The following TMEM59 variants were observed in gnomAD, a reference collection of about 807,000 sequenced individuals.
TMEM59 encodes transmembrane protein 59, also known as dendritic cell factor 1.
In TMEM59, 44 loss-of-function variants were observed where a neutral mutation model predicts 42.2. That is an observed-to-expected ratio of 1.04 (90% confidence interval 0.82 to 1.34). The LOEUF (loss-of-function observed/expected upper bound fraction) is 1.34. Among genes scored for constraint, TMEM59 ranks in the 40% most tolerant of loss-of-function variants. TMEM59 has a pLI of 0.00. For synonymous variants in TMEM59, 148 were observed against 145.8 expected, an observed-to-expected ratio of 1.02 and a Z score of -0.11; for missense variants, 359 against 382.8, an observed-to-expected ratio of 0.94 and a Z score of 0.52.
intron 1 of TMEM59, among the ~76,000 whole-genome samples, chr1:54,050,613 G>T (rs1389989039): frequency 6.7e-6 from 1 of 150,210 alleles, no homozygotes; most frequent in Non-Finnish European, 1.5e-5. Flanking sequence ...GCCCAGGCTG[G>T]AGTGCGGTGG....
Position 54,040,808 on chromosome 1 carries a change from T to C in TMEM59, c.655A>G (p.Arg219Gly). ...CTTTCTCCATCTTCAAGAAAATTCCTGTGCGCTTGTGAATTTCTCATTTGC... is the reference window on the plus strand; with the variant it reads ...CTTTCTCCATCTTCAAGAAAATTCCCGTGCGCTTGTGAATTTCTCATTTGC... ...YLQMRNSQAH[R>G]NFLEDGESDG... is the part of the protein sequence containing the mutation. Residue 219 changes from arginine to glycine, a missense_variant, in exon 6 of 8, where the codon AGG (arginine) becomes GGG (glycine). By Grantham distance (125) the Arg-to-Gly change is moderately radical. Coordinates refer to ENST00000234831, the MANE Select transcript of TMEM59 (RefSeq NM_004872.5). The C allele has an allele frequency of 6.2e-7, 1 of 1,613,852 alleles. No homozygotes were observed. The highest frequency in any genetic ancestry group is 8.5e-7 in the Non-Finnish European group (1 of 1,179,842).
intron 4 of TMEM59, among the ~76,000 whole-genome samples, chr1:54,042,168 C>T (rs981894833): frequency 1.3e-5 from 2 of 151,790 alleles, no homozygotes; most frequent in Admixed American, 1.3e-4. Context: ...ATTTATCAGA[C>T]TGCCAAAACT....
chr1:54,036,843 C>T, intron 6 of TMEM59, 125 bp from the exon 7 acceptor site: 4 of 541,078 alleles, frequency 7.4e-6, no homozygotes, highest in Non-Finnish European at 1.3e-5. Context: ...ATCTTTGAAA[C>T]TATTAAAAAA....
intron 6 of TMEM59, among the ~76,000 whole-genome samples, chr1:54,037,266 G>C (rs1005811730): frequency 2.0e-5 from 3 of 152,100 alleles, no homozygotes; most frequent in African/African-American, 7.2e-5. Flanking sequence ...CTATTATAAG[G>C]CATTCTGTAA....
At position 54,029,858 on chromosome 1, in the gene TMEM59, G is replaced by A. The variant is rs991160378; in HGVS notation, c.*2292C>T. On this transcript the variant is annotated 3_prime_UTR_variant, in exon 8 of 8. Coordinates refer to ENST00000234831, the MANE Select transcript of TMEM59 (RefSeq NM_004872.5). ...TAGAACAAGTAGTTAAGGGAAGAGA[G>A]ATTAAAATGGTTACTCATGCTGATG... 1 of 152,080 alleles carries A rather than the reference G, an allele frequency of 6.6e-6. No homozygotes were observed. Among genetic ancestry groups the A allele is most frequent in the African/African-American group, 2.4e-5 (1 of 41,412 alleles). 9.4% of individuals were successfully genotyped at this position (152,080 alleles called of 1,614,324 possible).
At chr1:54,035,228 C>T (rs1656905560) in intron 7 of TMEM59, among the ~76,000 whole-genome samples, 1 of 152,042 alleles carries the variant, frequency 6.6e-6, no homozygotes, top group South Asian at 2.1e-4. Context: ...TATATTTAAA[C>T]ATCTTTATAG....
intron 6 of TMEM59, chr1:54,036,929 A>T (rs1292161376): frequency 3.2e-6 from 1 of 312,168 alleles, no homozygotes; most frequent in Non-Finnish European, 6.0e-6. Flanking sequence ...TCCACTTCTA[A>T]TGTTTCTGTA....
intron 1 of TMEM59, among the ~76,000 whole-genome samples, chr1:54,052,009 T>G (rs1226241041): frequency 6.6e-6 from 1 of 152,156 alleles, no homozygotes; most frequent in Non-Finnish European, 1.5e-5. Context: ...ACTCCAGTTT[T>G]AGAGAGCAAG....
chr1:54,029,528 T>TA lies in TMEM59; in HGVS notation c.*2621dup, dbSNP rs1400249647. The TA allele has an allele frequency of 6.6e-6, 1 of 152,206 alleles. No homozygotes were observed. Among genetic ancestry groups the TA allele is most frequent in the African/African-American group, 2.4e-5 (1 of 41,458 alleles). The allele number at this position is 152,206 out of a possible 1,614,324, so 9.4% of individuals were successfully genotyped here. On this transcript the variant is annotated 3_prime_UTR_variant, in exon 8 of 8. Transcript: ENST00000234831. The stretch of plus-strand genomic sequence containing the variant: ...TGACTGTTTTATGGAAACAAGGAGC[T>TA]AAGTAAAGTTAGGCACATCCAAGAA...
intron 4 of TMEM59, among the ~76,000 whole-genome samples, chr1:54,042,881 T>C (rs2100319441): frequency 6.6e-6 from 1 of 152,330 alleles, no homozygotes; most frequent in East Asian, 1.9e-4. Flanking sequence ...CTCCAGGGAA[T>C]AACAGTTATT....
rs1277001601 is a variant in TMEM59 at position 54,047,287 on chromosome 1, G to C, written c.275C>G (p.Thr92Ser). ...CTTACCAGATTCACATTCCAATTTA[G>C]TTCGATTTAAGTCAATTCCATCATC... is the stretch of plus-strand genomic sequence containing the variant. ...FVDDGIDLNRTKLECESACTE... is the reference protein window; with the variant it reads ...FVDDGIDLNRSKLECESACTE... Residue 92 changes from threonine (T) to serine (S), a missense_variant, in exon 2 of 8, where the codon ACT becomes AGT. Physicochemically the swap from Thr to Ser is moderately conservative, Grantham distance 58. Coordinates refer to ENST00000234831, the MANE Select transcript of TMEM59 (RefSeq NM_004872.5). 1 of 1,613,588 alleles carries C rather than the reference G, an allele frequency of 6.2e-7. No individual in the cohort carries two copies. The highest frequency in any genetic ancestry group is 8.5e-7 in the Non-Finnish European group (1 of 1,179,834).
intron 3 of TMEM59, chr1:54,044,491 TG>T (rs1216058368): frequency 6.6e-6 from 1 of 151,258 alleles, no homozygotes; most frequent in African/African-American, 2.4e-5. Flanking sequence ...GGTTCTGCTT[TG>T]TTTCTTTTTT....
At position 54,027,973 on chromosome 1, in the gene TMEM59, G is replaced by C. The variant is rs1191431196; in HGVS notation, c.*4177C>G. 1 of 152,168 alleles carries C rather than the reference G, an allele frequency of 6.6e-6. No individual in the cohort carries two copies. Among genetic ancestry groups the C allele is most frequent in the East Asian group, 1.9e-4 (1 of 5,198 alleles). The allele number at this position is 152,168 out of a possible 1,614,324, so 9.4% of individuals were successfully genotyped here. The stretch of plus-strand genomic sequence containing the variant: ...CACCCCCACCCTAGACTCTAGTGTA[G>C]AACAAGTAGTCAAGGAAAGAGAGAT... On this transcript the variant is annotated 3_prime_UTR_variant, in exon 8 of 8. Transcript: ENST00000234831.
intron 1 of TMEM59, among the ~76,000 whole-genome samples, chr1:54,048,948 T>A (rs1457504301): frequency 1.3e-5 from 2 of 152,248 alleles, no homozygotes; most frequent in Non-Finnish European, 2.9e-5. Context: ...TGAGTAGCTG[T>A]TGCAGGCTTT....
rs911077403 is a variant in TMEM59, at chr1:54,047,350, T to C, written c.212A>G (p.Gln71Arg). The stretch of plus-strand genomic sequence containing the variant: ...AATTGAAAACAGCCTGCAACCTCTC[T>C]GACATGCGTACAACTCCTCTTCCTA... The part of the protein sequence containing the change: ...YPKEEELYAC[Q>R]RGCRLFSICQ... Residue 71 changes from glutamine to arginine, a missense_variant, in exon 2 of 8, where the codon CAG (glutamine) becomes CGG (arginine). Transcript: ENST00000234831. 1 of 1,613,744 alleles carries C rather than the reference T, an allele frequency of 6.2e-7. No homozygotes were observed. Among genetic ancestry groups the C allele is most frequent in the Non-Finnish European group, 8.5e-7 (1 of 1,179,920 alleles).
chr1:54,052,974 C>T, intron 1 of TMEM59, 26 bp downstream of exon 1: 1 of 1,594,678 alleles, frequency 6.3e-7, no homozygotes, highest in Non-Finnish European at 8.6e-7. Context: ...AGGGAAGGGT[C>T]GCAGCCCGCT....
intron 4 of TMEM59, 128 bp downstream of exon 4, chr1:54,043,245 A>G: frequency 1.1e-6 from 1 of 875,152 alleles, no homozygotes. Context: ...AGGGCCAAAT[A>G]AGTAATTATT....
Position 54,043,224 on chromosome 1 carries a change from TA to T in TMEM59, c.543+148del, listed in dbSNP as rs1355671033. ...GAAGGGTAATAAAACTGATGTCTAA[TA>T]TTTTAATGTAGGGCCAAATAAGTAA... On this transcript the variant is annotated intron_variant, in intron 4 of 7. Transcript: ENST00000234831. The T allele has an allele frequency of 5.4e-5, 37 of 687,750 alleles. No individual in the cohort carries two copies. The Middle Eastern group carries it at 1.4e-3, about 26-fold the overall frequency. 42.6% of individuals were successfully genotyped at this position (687,750 alleles called of 1,614,324 possible). A position where few individuals can be genotyped will look rare whatever the true frequency, so the allele number is the denominator to read the frequency against.
chr1:54,038,397 T>C (rs935899159), intron 6 of TMEM59, among the ~76,000 whole-genome samples: 7 of 152,214 alleles, frequency 4.6e-5, no homozygotes, highest in African/African-American at 1.7e-4. Context: ...GTATGAGACA[T>C]GTGTAGGACT....
Sources: gnomAD v4.1 joint callset for allele counts (sites outside exome capture counted in the v4.1 genomes callset) on GRCh38, gnomAD v4.1.1 for gene constraint, MANE v1.5 for transcripts, NCBI Gene and HGNC (gene_info 2026-07-23, HGNC 2026-07-21) for gene names.